The following MTERF4 variants were observed in gnomAD, a reference collection of about 807,000 sequenced individuals.
The protein encoded by MTERF4 is mitochondrial transcription termination factor 4.
A neutral mutation model predicts 22.5 loss-of-function variants in MTERF4; 17 were observed. The ratio of observed to expected loss-of-function variants is 0.75; its 90% confidence interval spans 0.52 to 1.13. MTERF4 has a LOEUF of 1.13. MTERF4 is among the 50% of genes most tolerant of loss of function. The pLI is 0.00. For missense variants in MTERF4, 420 were observed against 466.8 expected, an observed-to-expected ratio of 0.90 and a Z score of 0.92; for synonymous variants, 165 against 175.3, an observed-to-expected ratio of 0.94 and a Z score of 0.47.
chr2:241,055,705 T>G, the MTERF4 span, among the ~76,000 whole-genome samples: 1 of 152,038 alleles, frequency 6.6e-6, no homozygotes, highest in Non-Finnish European at 1.5e-5. Context: ...ATGCAGAGAG[T>G]AAGTTCTCAG....
intron 2 of MTERF4, 156 bp downstream of exon 2, chr2:241,099,240 A>G (rs1026817441): frequency 1.1e-5 from 9 of 785,846 alleles, no homozygotes; most frequent in African/African-American, 1.0e-4. Flanking sequence ...AAGCCCAGCT[A>G]ATTTTTCTAT....
chr2:241,088,200 A>G (rs898795253), downstream of MTERF4: 19 of 612,972 alleles, frequency 3.1e-5, no homozygotes, highest in Non-Finnish European at 3.0e-6. Context: ...CACACAAACT[A>G]AAATGCTAAT....
intron 1 of MTERF4, among the ~76,000 whole-genome samples, chr2:241,101,834 C>A (rs1180952491): frequency 6.6e-6 from 1 of 152,208 alleles, no homozygotes; most frequent in South Asian, 2.1e-4. Flanking sequence ...GGGTGGATCA[C>A]CTGAGGCCAG....
At chr2:241,065,665 C>T in the MTERF4 span, 1 of 1,355,566 alleles carries the variant, frequency 7.4e-7, no homozygotes, top group African/African-American at 1.5e-5. Context: ...GCCCCGGCAC[C>T]TGCAGGGCGG....
At position 241,096,100 on chromosome 2, in the gene MTERF4, C is replaced by A. The variant is rs756012410; in HGVS notation, c.1044G>T (p.Glu348Asp). 4.3e-6 allele frequency: 7 copies of A among 1,613,460 alleles called. No individual in the cohort carries two copies. Among genetic ancestry groups the A allele is most frequent in the African/African-American group, 2.7e-5 (2 of 74,768 alleles). Residue 348 changes from glutamate to aspartate, a missense_variant, in exon 4 of 4, where the codon GAG (glutamate) becomes GAT (aspartate). Transcript: ENST00000391980. The surrounding 1 kb of genome is among the most constrained non-coding windows in gnomAD (Gnocchi z 5.1). Reference sequence around the variant, plus strand: ...CATTGTCATCCTCATCATTGTCCTCCTCATCATCGTCATCCTCATCCTCAT... The same window carrying A: ...CATTGTCATCCTCATCATTGTCCTCATCATCATCGTCATCCTCATCCTCAT... Reference protein sequence around the residue: ...SLDEDEDDDDEEDNDEDDNDE... With the variant: ...SLDEDEDDDDDEDNDEDDNDE...
At chr2:241,043,864 C>T in the MTERF4 span, among the ~76,000 whole-genome samples, 1 of 152,138 alleles carries the variant, frequency 6.6e-6, no homozygotes. Context: ...TAAAACTGTA[C>T]TTTTAAAAAT....
chr2:241,042,855 A>G, the MTERF4 span, among the ~76,000 whole-genome samples: 1 of 152,266 alleles, frequency 6.6e-6, no homozygotes, highest in Non-Finnish European at 1.5e-5. Context: ...AGAGATCTTC[A>G]GCAACCTGCA....
At chr2:241,069,857 C>T (rs963955517), downstream of MTERF4, 30 of 1,560,344 alleles carry the variant, frequency 1.9e-5, no homozygotes, top group African/African-American at 2.7e-5. This position sits in a 1 kb window ranked among gnomAD's most constrained non-coding sequence, Gnocchi z 4.9. Flanking sequence ...GTTCTCAAAC[C>T]GTGTTCTTGC....
intron 1 of MTERF4, among the ~76,000 whole-genome samples, chr2:241,101,709 T>G (rs56237013): frequency 0.072 from 10,899 of 152,332 alleles, 528 homozygotes; most frequent in East Asian, 0.21. Context: ...CCGCTTCCTC[T>G]TAATGAAAAG....
chr2:241,085,905 C>T (rs1187770643), downstream of MTERF4, among the ~76,000 whole-genome samples: 1 of 124,546 alleles, frequency 8.0e-6, no homozygotes, highest in Non-Finnish European at 1.6e-5. Flanking sequence ...CTTGCTCTGT[C>T]GCCCAGGCTG....
At chr2:241,048,639 G>A in the MTERF4 span, 2 of 1,586,198 alleles carry the variant, frequency 1.3e-6, no homozygotes, top group Non-Finnish European at 1.7e-6. Flanking sequence ...CACATGGGAG[G>A]CTCCTCCCTC....
the MTERF4 span, among the ~76,000 whole-genome samples, chr2:241,060,492 ACTT>A: frequency 5.9e-5 from 9 of 152,158 alleles, no homozygotes; most frequent in Admixed American, 5.9e-4. Context: ...CTAACTATAA[ACTT>A]CTAAAAGAAA....
chr2:241,081,323 G>A lies in MTERF4; in HGVS notation n.480-5641C>T, dbSNP rs546758564. ...GTGTTCAGGGGCAAAGCCAGCAAGGGTCGGGGTGGGGAGGGGCCACAGGCC... is the reference window on the plus strand; with the variant it reads ...GTGTTCAGGGGCAAAGCCAGCAAGGATCGGGGTGGGGAGGGGCCACAGGCC... On this transcript the variant is annotated intron_variant and non_coding_transcript_variant, in intron 4 of 4. Coordinates refer to the MTERF4 transcript ENST00000464344. 3.3e-5 allele frequency among the ~76,000 whole-genome samples: 5 copies of A among 152,134 alleles called. No homozygotes were observed. In the South Asian group the frequency reaches 8.3e-4, roughly 25 times the overall value.
chr2:241,069,058 G>A, downstream of MTERF4: 2 of 1,426,434 alleles, frequency 1.4e-6, no homozygotes, highest in African/African-American at 1.4e-5. The surrounding 1 kb of genome is among the most constrained non-coding windows in gnomAD (Gnocchi z 4.9). Flanking sequence ...GCACACGAAA[G>A]GCCGTCTTCT....
downstream of MTERF4, among the ~76,000 whole-genome samples, chr2:241,091,468 C>A (rs1029208346): frequency 2.0e-5 from 3 of 152,140 alleles, no homozygotes; most frequent in African/African-American, 7.3e-5. This position sits in a 1 kb window ranked among gnomAD's most constrained non-coding sequence, Gnocchi z 4.1. Flanking sequence ...AACGCGGGGT[C>A]CTCCCCGTGT....
Position 241,073,644 on chromosome 2 carries a change from CCCTCT to C in MTERF4, n.2513_2517del, listed in dbSNP as rs1308148141. On this transcript the variant is annotated non_coding_transcript_exon_variant, in exon 5 of 5. Coordinates refer to the MTERF4 transcript ENST00000464344. This position sits in a 1 kb window ranked among gnomAD's most constrained non-coding sequence, Gnocchi z 6.6. ...ACTGGCTTTGATGCTGCCTCCCCTC[CCCTCT>C]CCTCCTTCGCCTCCACATGCAGCAG... The C allele has an allele frequency of 1.5e-4, 79 of 509,752 alleles. No individual in the cohort carries two copies. The Middle Eastern group carries it at 5.1e-3, about 33-fold the overall frequency. 31.6% of individuals were successfully genotyped at this position (509,752 alleles called of 1,614,324 possible).
the MTERF4 span, chr2:241,065,367 C>G: frequency 6.2e-7 from 1 of 1,613,142 alleles, no homozygotes; most frequent in East Asian, 2.2e-5. Flanking sequence ...CTCCTGGAAC[C>G]CGCCCAATGG....
downstream of MTERF4, chr2:241,088,084 G>A (rs1279887603): frequency 4.1e-6 from 2 of 483,602 alleles, no homozygotes; most frequent in African/African-American, 4.0e-5. Flanking sequence ...CCCTAGGGTA[G>A]CTTTTGCTTG....
chr2:241,051,633 C>T, the MTERF4 span: 3 of 863,940 alleles, frequency 3.5e-6, no homozygotes, highest in African/African-American at 1.7e-5. The surrounding 1 kb of genome is among the most constrained non-coding windows in gnomAD (Gnocchi z 4.7). Flanking sequence ...AGGGCTTCGT[C>T]GAGAAGGCCC....
Sources: gnomAD v4.1 joint callset for allele counts (sites outside exome capture counted in the v4.1 genomes callset) on GRCh38, gnomAD v4.1.1 for gene constraint, Gnocchi (gnomAD v3.1) non-coding constraint, MANE v1.5 for transcripts, NCBI Gene and HGNC (gene_info 2026-07-23, HGNC 2026-07-21) for gene names.